The following NSMCE1 variants were observed in gnomAD, a reference collection of about 807,000 sequenced individuals.
The protein encoded by NSMCE1 is non-structural maintenance of chromosomes element 1 homolog.
Under a neutral mutation model 29.6 loss-of-function variants are expected in NSMCE1, and 18 were observed. The observed-to-expected ratio is 0.61, with a 90% CI of 0.42 to 0.90. The LOEUF (loss-of-function observed/expected upper bound fraction) is 0.90. NSMCE1 is among the 40% of genes least tolerant of loss of function. NSMCE1 has a pLI of 0.00. For synonymous variants in NSMCE1, 124 were observed against 133.4 expected (o/e 0.93, Z 0.49); for missense variants, 314 against 343.6 (o/e 0.91, Z 0.68).
intron 2 of NSMCE1, among the ~76,000 whole-genome samples, chr16:27,246,135 T>C (rs2083955411): frequency 6.6e-6 from 1 of 152,042 alleles, no homozygotes; most frequent in South Asian, 2.1e-4. Context: ...AAACAGAAAA[T>C]CTTTATCAAA....
At chr16:27,256,582 A>C (rs1159478819) in intron 2 of NSMCE1, among the ~76,000 whole-genome samples, 2 of 152,196 alleles carry the variant, frequency 1.3e-5, no homozygotes, top group South Asian at 2.1e-4. Context: ...CATAAAATCT[A>C]ATCAGTAAGA....
chr16:27,266,898 C>A (rs1308709241), intron 1 of NSMCE1, among the ~76,000 whole-genome samples: 1 of 151,310 alleles, frequency 6.6e-6, no homozygotes, highest in African/African-American at 2.4e-5. Context: ...AACTGGGGCT[C>A]ATAAAATAAG....
intron 1 of NSMCE1, among the ~76,000 whole-genome samples, chr16:27,264,809 C>T (rs1384421004): frequency 6.6e-6 from 1 of 151,958 alleles, no homozygotes; most frequent in Non-Finnish European, 1.5e-5. Flanking sequence ...CTCTATTCAC[C>T]AAAAATACCA....
chr16:27,265,446 G>A (rs2084213292), intron 1 of NSMCE1, among the ~76,000 whole-genome samples: 1 of 152,204 alleles, frequency 6.6e-6, no homozygotes, highest in African/African-American at 2.4e-5. Flanking sequence ...GGGATTACAG[G>A]TGTGAGCCAC....
At chr16:27,259,898 G>T (rs1382390399) in intron 1 of NSMCE1, among the ~76,000 whole-genome samples, 1 of 152,098 alleles carries the variant, frequency 6.6e-6, no homozygotes, top group Non-Finnish European at 1.5e-5. Flanking sequence ...GCTGGGAGCG[G>T]GTGTCTCAAC....
At chr16:27,251,163 T>TATATATATATATATATATATATATATAA (rs11268049) in intron 2 of NSMCE1, among the ~76,000 whole-genome samples, 6 of 67,448 alleles carry the variant, frequency 8.9e-5, no homozygotes, top group East Asian at 1.9e-3. Context: ...ATTTAAAATA[T>TATATATATATATATATATATATATATAA]ATATATATAT....
At chr16:27,251,252 T>C (rs2084032841) in intron 2 of NSMCE1, among the ~76,000 whole-genome samples, 1 of 146,834 alleles carries the variant, frequency 6.8e-6, no homozygotes, top group South Asian at 2.1e-4. Context: ...TCTAAGTCTA[T>C]TTATCCTATT....
chr16:27,238,691 CCAGA>C (rs1227598239), intron 2 of NSMCE1, among the ~76,000 whole-genome samples: 1 of 152,024 alleles, frequency 6.6e-6, no homozygotes, highest in African/African-American at 2.4e-5. Context: ...CCCCTATCAG[CCAGA>C]CACTCTCCCA....
intron 2 of NSMCE1, among the ~76,000 whole-genome samples, chr16:27,236,816 C>A (rs2083830994): frequency 6.6e-6 from 1 of 152,356 alleles, no homozygotes; most frequent in East Asian, 1.9e-4. Context: ...ACCCACTGGA[C>A]TGACGACCAA....
At chr16:27,225,555 G>C (rs889145543) in intron 7 of NSMCE1, among the ~76,000 whole-genome samples, 171 bp downstream of exon 7, 1 of 152,224 alleles carries the variant, frequency 6.6e-6, no homozygotes, top group Non-Finnish European at 1.5e-5. Flanking sequence ...AGCGGTGCAC[G>C]TAGCTCAGCC....
Position 27,227,557 on chromosome 16 carries a change from C to T in NSMCE1, c.484-721G>A, listed in dbSNP as rs139893408. Among the ~76,000 whole-genome samples, 333 of 152,302 alleles carry T rather than the reference C, an allele frequency of 2.2e-3. 5 individuals are homozygous for T. The highest frequency in any genetic ancestry group is 0.021 in the Admixed American group (314 of 15,296). On this transcript the variant is annotated intron_variant, in intron 5 of 7. Coordinates refer to ENST00000361439, the MANE Select transcript of NSMCE1 (RefSeq NM_145080.4). ...CTGCCAGGTCACAGGAGAAAGGCAG[C>T]ACTGAGGGAGACCCAAGGCAGGCAA...
intron 5 of NSMCE1, among the ~76,000 whole-genome samples, chr16:27,228,275 C>A (rs898538278): frequency 6.6e-6 from 1 of 152,106 alleles, no homozygotes; most frequent in East Asian, 1.9e-4. Context: ...ACAGCCGCTG[C>A]GGGAACAGTG....
intron 1 of NSMCE1, among the ~76,000 whole-genome samples, chr16:27,262,608 A>T (rs2084171708): frequency 6.6e-6 from 1 of 152,226 alleles, no homozygotes; most frequent in African/African-American, 2.4e-5. Context: ...TGGATTAAAG[A>T]CTTAAATGTA....
Position 27,226,765 on chromosome 16 carries a change from G to A in NSMCE1, c.555C>T (p.Pro185=), listed in dbSNP as rs375663140. ...EMEQYIRETY[P]DAVKICNICH... ...AGATATTGCAGATCTTCACCGCGTCGGGGTACGTCTCCCGGATGTATTGCT... is the reference window on the plus strand; with the variant it reads ...AGATATTGCAGATCTTCACCGCGTCAGGGTACGTCTCCCGGATGTATTGCT... The change falls in exon 6 of 8, where the codon CCC becomes CCT. Residue 185 remains proline (P), a synonymous_variant. Transcript: ENST00000361439. 2.0e-5 allele frequency: 32 copies of A among 1,613,750 alleles called. No homozygotes were observed. In the African/African-American group the frequency reaches 2.8e-4, roughly 14 times the overall value.
chr16:27,266,108 C>T (rs1262375883), intron 1 of NSMCE1, among the ~76,000 whole-genome samples: 1 of 152,112 alleles, frequency 6.6e-6, no homozygotes, highest in Non-Finnish European at 1.5e-5. Flanking sequence ...CATGGTGATT[C>T]ACACCTGTAA....
At chr16:27,260,858 CAAAA>C (rs55762579) in intron 1 of NSMCE1, among the ~76,000 whole-genome samples, 4 of 87,966 alleles carry the variant, frequency 4.5e-5, no homozygotes, top group Admixed American at 1.3e-4. Flanking sequence ...GACCCTGTCT[CAAAA>C]AAAAAAAAAA....
chr16:27,232,318 C>T lies in NSMCE1; in HGVS notation c.483+683G>A, dbSNP rs144660861. ...GCCTTTTGTGGAAAAAGAACTGAAA[C>T]ATTTGTTCTGCTCCATTCAGCAGGA... On this transcript the variant is annotated intron_variant, in intron 5 of 7. Transcript: ENST00000361439. The surrounding 1 kb of genome is among the most constrained non-coding windows in gnomAD (Gnocchi z 4.5). Among the ~76,000 whole-genome samples, 247 of 152,300 alleles carry T rather than the reference C, an allele frequency of 1.6e-3. No homozygotes were observed. The highest frequency in any genetic ancestry group is 3.1e-3 in the Non-Finnish European group (214 of 68,030).
intron 1 of NSMCE1, among the ~76,000 whole-genome samples, chr16:27,264,234 A>C (rs945807074): frequency 6.6e-6 from 1 of 152,162 alleles, no homozygotes; most frequent in Non-Finnish European, 1.5e-5. Flanking sequence ...ATCGCTGGGC[A>C]TGATGGTATG....
At chr16:27,241,187 T>G (rs984435170) in intron 2 of NSMCE1, among the ~76,000 whole-genome samples, 3 of 152,232 alleles carry the variant, frequency 2.0e-5, no homozygotes, top group Admixed American at 2.0e-4. Context: ...GGATTCACTG[T>G]GCACTTGGGC....
Sources: gnomAD v4.1 joint callset for allele counts (sites outside exome capture counted in the v4.1 genomes callset) on GRCh38, gnomAD v4.1.1 for gene constraint, Gnocchi (gnomAD v3.1) non-coding constraint, MANE v1.5 for transcripts, NCBI Gene and HGNC (gene_info 2026-07-23, HGNC 2026-07-21) for gene names.